DMXL1: variants seen among roughly 807,000 people sequenced by gnomAD.
DMXL1 encodes the protein Dmx like 1.
Under a neutral mutation model 319.2 loss-of-function variants are expected in DMXL1, and 99 were observed. The observed-to-expected ratio is 0.31, with a 90% CI of 0.26 to 0.37. The LOEUF is 0.37. DMXL1 is among the 10% of genes least tolerant of loss of function. The probability of loss-of-function intolerance (pLI) is 1.00; values close to 1 mark genes in which losing one functional copy is unlikely to be tolerated. For synonymous variants in DMXL1, 1,385 were observed against 1,235.2 expected (o/e 1.12, Z -2.54); for missense variants, 3,745 against 3,595.6 (o/e 1.04, Z -1.06).
chr5:119,190,671 A>G (rs149189289), intron 29 of DMXL1, among the ~76,000 whole-genome samples: 1 of 152,350 alleles, frequency 6.6e-6, no homozygotes, highest in African/African-American at 2.4e-5. Context: ...GTTAGAGAGA[A>G]AATAGCCAAC....
At chr5:119,097,900 C>T (rs562588535) in intron 1 of DMXL1, 79 bp from the exon 2 acceptor site, 1 of 1,230,978 alleles carries the variant, frequency 8.1e-7, no homozygotes, top group East Asian at 2.7e-5. Context: ...TGCCTTAAAA[C>T]ATGATAGTTA....
chr5:119,185,494 T>G (rs1024147495), intron 28 of DMXL1, among the ~76,000 whole-genome samples: 3 of 152,008 alleles, frequency 2.0e-5, no homozygotes, highest in African/African-American at 7.3e-5. Flanking sequence ...TCTTCCAGAC[T>G]TTTTTTGTTT....
intron 1 of DMXL1, among the ~76,000 whole-genome samples, chr5:119,094,252 G>T (rs1229017993): frequency 6.6e-6 from 1 of 152,232 alleles, no homozygotes; most frequent in Non-Finnish European, 1.5e-5. Context: ...AGGGGCTAAT[G>T]CAGTTGGTAA....
At chr5:119,138,046 C>G (rs542445582) in intron 13 of DMXL1, among the ~76,000 whole-genome samples, 2 of 152,200 alleles carry the variant, frequency 1.3e-5, no homozygotes, top group South Asian at 4.1e-4. Flanking sequence ...TAAATGATTC[C>G]TCTGGTGGCT....
At position 119,208,267 on chromosome 5, in the gene DMXL1, G is replaced by A. The variant is rs538459087; in HGVS notation, c.7926+1371G>A. On this transcript the variant is annotated intron_variant, in intron 34 of 43. Coordinates refer to ENST00000539542, the MANE Select transcript of DMXL1 (RefSeq NM_001290321.3). ...TCACTCAGGTTTCCCAGACTGGAGTGCAGTGGCGCGATCTCAGCTTACTGC... is the reference window on the plus strand; with the variant it reads ...TCACTCAGGTTTCCCAGACTGGAGTACAGTGGCGCGATCTCAGCTTACTGC... Among the ~76,000 whole-genome samples, 3 of 148,110 alleles carry A rather than the reference G, an allele frequency of 2.0e-5. No individual in the cohort carries two copies. The Admixed American group carries it at 2.0e-4, about 10-fold the overall frequency.
chr5:119,190,370 C>G (rs1183765886), intron 29 of DMXL1, among the ~76,000 whole-genome samples: 2 of 152,192 alleles, frequency 1.3e-5, no homozygotes, highest in African/African-American at 2.4e-5. Context: ...GAGTAAACTT[C>G]CCTGCTAGCG....
chr5:119,167,436 T>C (rs1444344549), intron 22 of DMXL1, among the ~76,000 whole-genome samples, 167 bp from the exon 23 acceptor site: 2 of 152,152 alleles, frequency 1.3e-5, no homozygotes, highest in African/African-American at 4.8e-5. Flanking sequence ...TCAAGTAGAT[T>C]TGCTAAAATC....
intron 35 of DMXL1, among the ~76,000 whole-genome samples, chr5:119,220,011 T>C (rs1581399214): frequency 1.7e-3 from 1 of 584 alleles, no homozygotes; most frequent in African/African-American, 0.028. Context: ...TTCCCACTTC[T>C]TTTTTTTTTT....
intron 19 of DMXL1, among the ~76,000 whole-genome samples, chr5:119,155,528 G>C (rs1359757355): frequency 6.6e-6 from 1 of 152,132 alleles, no homozygotes; most frequent in African/African-American, 2.4e-5. Flanking sequence ...TGACTGAATT[G>C]CTGCAATCTC....
intron 37 of DMXL1, among the ~76,000 whole-genome samples, chr5:119,222,538 T>A (rs1458163777): frequency 2.0e-5 from 3 of 152,204 alleles, no homozygotes; most frequent in African/African-American, 7.2e-5. Flanking sequence ...TAATAGGCAC[T>A]TTTTTGAATT....
In DMXL1 at chr5:119,171,904, C is replaced by G. The variant is rs149518343; in HGVS notation, c.6616C>G (p.His2206Asp). 846 of 1,613,878 alleles carry G rather than the reference C, an allele frequency of 5.2e-4. 8 individuals are homozygous for G. In the African/African-American group the frequency reaches 9.4e-3, roughly 18 times the overall value. ...NPLLHLSNLT[H>D]DILHAIINFD... ...ATTATTGCACCTTAGTAATCTGACACATGATATTCTCCATGCCATAATAAA... is the reference window on the plus strand; with the variant it reads ...ATTATTGCACCTTAGTAATCTGACAGATGATATTCTCCATGCCATAATAAA... Residue 2206 changes from histidine (H) to aspartate (D), a missense_variant, in exon 25 of 44, where the codon CAT becomes GAT. By Grantham distance (81) the His-to-Asp change is moderately conservative. This residue lies in a region of DMXL1 where 1,382 missense variants were observed against 1,269.5 expected (regional missense o/e 1.09). Transcript: ENST00000539542.
intron 1 of DMXL1, 49 bp downstream of exon 1, chr5:119,071,705 C>A: frequency 1.4e-5 from 21 of 1,486,308 alleles, no homozygotes; most frequent in Non-Finnish European, 1.7e-5. Context: ...CTTTGCCCGT[C>A]ATTCTGGGCC....
intron 32 of DMXL1, among the ~76,000 whole-genome samples, chr5:119,202,104 C>A (rs1329511550): frequency 6.6e-6 from 1 of 152,068 alleles, no homozygotes; most frequent in Non-Finnish European, 1.5e-5. Context: ...TTTTTATCTT[C>A]TGCTAGCTTT....
chr5:119,190,961 G>C (rs1367287552), intron 29 of DMXL1, among the ~76,000 whole-genome samples: 1 of 152,180 alleles, frequency 6.6e-6, no homozygotes, highest in South Asian at 2.1e-4. Flanking sequence ...GAGATAGAAG[G>C]CAATTGCTAT....
intron 1 of DMXL1, among the ~76,000 whole-genome samples, chr5:119,076,460 C>T (rs1304508590): frequency 6.6e-6 from 1 of 151,506 alleles, no homozygotes; most frequent in Non-Finnish European, 1.5e-5. Context: ...TATAGAAGGG[C>T]AAAGATTGCT....
intron 6 of DMXL1, among the ~76,000 whole-genome samples, chr5:119,115,842 T>C (rs1456645597): frequency 6.6e-6 from 1 of 152,232 alleles, no homozygotes; most frequent in Non-Finnish European, 1.5e-5. Flanking sequence ...ATTTAATATT[T>C]GGCTTACTGG....
chr5:119,112,196 C>G (rs1415441754), intron 5 of DMXL1, among the ~76,000 whole-genome samples: 1 of 152,088 alleles, frequency 6.6e-6, no homozygotes, highest in Non-Finnish European at 1.5e-5. Context: ...CTCCTGACCT[C>G]GTGATCTGCC....
intron 30 of DMXL1, among the ~76,000 whole-genome samples, chr5:119,194,988 A>G (rs1003047543): frequency 6.6e-6 from 1 of 152,158 alleles, no homozygotes; most frequent in South Asian, 2.1e-4. Context: ...AAGATGCTCA[A>G]TATCATTAAT....
At chr5:119,093,038 T>C (rs1755141105) in intron 1 of DMXL1, among the ~76,000 whole-genome samples, 1 of 152,138 alleles carries the variant, frequency 6.6e-6, no homozygotes, top group Admixed American at 6.6e-5. Flanking sequence ...CTTTCCCTTA[T>C]TGCACTTCAA....
Sources: allele counts gnomAD v4.1 joint callset (sites outside exome capture counted in the v4.1 genomes callset), GRCh38; gene constraint gnomAD v4.1.1; regional missense constraint gnomAD v4.1.1; transcripts MANE v1.5; gene names NCBI Gene and HGNC (gene_info 2026-07-23, HGNC 2026-07-21).